RGS8: variants seen among roughly 807,000 people sequenced by gnomAD.
RGS8 encodes regulator of G-protein signaling 8.
RGS8 carries 8 observed loss-of-function variants against 21.7 expected under a neutral mutation model. The observed-to-expected ratio is 0.37, with a 90% confidence interval of 0.22 to 0.66. The LOEUF is 0.66. RGS8 is among the 30% of genes least tolerant of loss of function. RGS8 has a pLI of 0.59. For missense variants in RGS8, 157 were observed against 217.9 expected, an observed-to-expected ratio of 0.72 and a Z score of 1.76; for synonymous variants, 80 against 83.6, an observed-to-expected ratio of 0.96 and a Z score of 0.24.
the RGS8 span, among the ~76,000 whole-genome samples, chr1:182,733,055 G>A: frequency 6.6e-6 from 1 of 152,222 alleles, no homozygotes; most frequent in African/African-American, 2.4e-5. Context: ...AGAAGCAAGT[G>A]CATCTCATGG....
the RGS8 span, among the ~76,000 whole-genome samples, chr1:182,733,420 G>A: frequency 6.6e-6 from 1 of 152,208 alleles, no homozygotes; most frequent in Non-Finnish European, 1.5e-5. Context: ...GAATGTAGCT[G>A]ACAAGGAGCA....
chr1:182,742,875 A>G, the RGS8 span, among the ~76,000 whole-genome samples: 1 of 152,234 alleles, frequency 6.6e-6, no homozygotes, highest in African/African-American at 2.4e-5. Context: ...TAAGGCAGAG[A>G]TGAAAATTAT....
chr1:182,727,843 GAATA>G, the RGS8 span, among the ~76,000 whole-genome samples: 174 of 152,112 alleles, frequency 1.1e-3, 1 homozygote, highest in African/African-American at 4.0e-3. Flanking sequence ...TATATAAAAT[GAATA>G]GTTTCACAAT....
At chr1:182,690,343 T>C in the RGS8 span, among the ~76,000 whole-genome samples, 1 of 152,216 alleles carries the variant, frequency 6.6e-6, no homozygotes, top group Non-Finnish European at 1.5e-5. Context: ...GGCTAGACCA[T>C]AAGCTCCATG....
chr1:182,650,761 G>A (rs1353067711), intron 5 of RGS8, among the ~76,000 whole-genome samples: 11 of 152,176 alleles, frequency 7.2e-5, no homozygotes, highest in Admixed American at 1.3e-4. Flanking sequence ...GTTGAGGTGG[G>A]AGGATCACCT....
the RGS8 span, among the ~76,000 whole-genome samples, chr1:182,700,778 T>G: frequency 6.6e-6 from 1 of 152,264 alleles, no homozygotes; most frequent in African/African-American, 2.4e-5. Context: ...TTTGAAGCTT[T>G]GTATTCAAAA....
chr1:182,744,942 G>A, the RGS8 span, among the ~76,000 whole-genome samples: 1 of 152,068 alleles, frequency 6.6e-6, no homozygotes, highest in Non-Finnish European at 1.5e-5. Flanking sequence ...CTTGCCTTAG[G>A]CAATTATGAG....
the RGS8 span, among the ~76,000 whole-genome samples, chr1:182,699,722 A>G: frequency 1.3e-5 from 2 of 152,144 alleles, no homozygotes; most frequent in Non-Finnish European, 2.9e-5. Context: ...GGAGGGATAC[A>G]GGCAAAATCC....
the RGS8 span, among the ~76,000 whole-genome samples, chr1:182,714,771 A>G: frequency 2.0e-5 from 3 of 152,218 alleles, no homozygotes; most frequent in Admixed American, 1.3e-4. Context: ...TCCATATAAC[A>G]CCAAAATATA....
chr1:182,689,304 CA>C (rs1557906973), upstream of RGS8, among the ~76,000 whole-genome samples: 45 of 140,610 alleles, frequency 3.2e-4, no homozygotes, highest in East Asian at 7.9e-4. Flanking sequence ...CACACACACA[CA>C]CCCCACAAGT....
At chr1:182,743,392 T>C in the RGS8 span, among the ~76,000 whole-genome samples, 1 of 152,002 alleles carries the variant, frequency 6.6e-6, no homozygotes, top group African/African-American at 2.4e-5. Context: ...TCCTTATATA[T>C]AGACCAAGCA....
intron 5 of RGS8, among the ~76,000 whole-genome samples, chr1:182,660,100 G>A (rs1402848838): frequency 3.3e-5 from 5 of 152,170 alleles, no homozygotes; most frequent in Non-Finnish European, 7.3e-5. Flanking sequence ...TATTATGTTA[G>A]AGCAAAAATA....
the RGS8 span, among the ~76,000 whole-genome samples, chr1:182,706,727 A>G: frequency 6.6e-6 from 1 of 151,478 alleles, no homozygotes; most frequent in Non-Finnish European, 1.5e-5. Flanking sequence ...CAGCCTCCCA[A>G]GGTGCTGGGA....
At chr1:182,724,193 C>CTAG in the RGS8 span, among the ~76,000 whole-genome samples, 1 of 89,028 alleles carries the variant, frequency 1.1e-5, no homozygotes, top group African/African-American at 4.1e-5. Flanking sequence ...CCTGAAAAGG[C>CTAG]TAGACTGGAT....
At chr1:182,680,913 G>A (rs1664515739) in intron 1 of RGS8, among the ~76,000 whole-genome samples, 1 of 152,188 alleles carries the variant, frequency 6.6e-6, no homozygotes, top group South Asian at 2.1e-4. Flanking sequence ...AGGCTCCAGG[G>A]TCAGCAACAA....
the RGS8 span, among the ~76,000 whole-genome samples, chr1:182,696,250 C>T: frequency 6.6e-6 from 1 of 152,214 alleles, no homozygotes; most frequent in African/African-American, 2.4e-5. Flanking sequence ...GCCCTCCAAG[C>T]CTGTCTTTTG....
intron 5 of RGS8, among the ~76,000 whole-genome samples, chr1:182,662,171 G>C (rs1220549229): frequency 1.3e-5 from 2 of 152,178 alleles, no homozygotes; most frequent in African/African-American, 4.8e-5. Flanking sequence ...TAGCAAAGTT[G>C]CTTTCTTTTG....
At chr1:182,723,142 G>A in the RGS8 span, among the ~76,000 whole-genome samples, 1 of 152,048 alleles carries the variant, frequency 6.6e-6, no homozygotes, top group African/African-American at 2.4e-5. Flanking sequence ...TCTGGGTTGG[G>A]GGGGACATTA....
chr1:182,697,728 T>C, the RGS8 span, among the ~76,000 whole-genome samples: 9 of 152,344 alleles, frequency 5.9e-5, no homozygotes, highest in East Asian at 1.7e-3. Flanking sequence ...AGATGTCTTA[T>C]AATCAGTGTG....
Sources: allele counts gnomAD v4.1 joint callset (sites outside exome capture counted in the v4.1 genomes callset), GRCh38; gene constraint gnomAD v4.1.1; transcripts MANE v1.5; gene names NCBI Gene and HGNC (gene_info 2026-07-23, HGNC 2026-07-21).